CEP63: variants seen among roughly 807,000 people sequenced by gnomAD.
CEP63 encodes centrosomal protein 63, also known as centrosomal protein of 63 kDa.
Under a neutral mutation model 89.1 loss-of-function variants are expected in CEP63, and 84 were observed. The observed-to-expected ratio is 0.94, with a 90% CI of 0.79 to 1.13. CEP63 has a LOEUF of 1.13. CEP63 is among the 50% of genes most tolerant of loss of function. The pLI, the probability that CEP63 is intolerant of heterozygous loss-of-function variation, is 0.00. For missense variants in CEP63, 838 were observed against 813.3 expected, an observed-to-expected ratio of 1.03 and a Z score of -0.37; for synonymous variants, 267 against 272.5, an observed-to-expected ratio of 0.98 and a Z score of 0.20.
intron 3 of CEP63, among the ~76,000 whole-genome samples, chr3:134,530,561 G>T (rs1302508153): frequency 6.6e-6 from 1 of 151,642 alleles, no homozygotes; most frequent in Admixed American, 6.6e-5. Flanking sequence ...TTGTTAATTG[G>T]ATTTTTTAAA....
At chr3:134,738,715 A>G in the CEP63 span, among the ~76,000 whole-genome samples, 40 of 152,306 alleles carry the variant, frequency 2.6e-4, no homozygotes, top group Non-Finnish European at 5.3e-4. Context: ...AATTACCACT[A>G]AAGAACTTAC....
Position 134,558,305 on chromosome 3 carries a change from C to T in CEP63, c.1631C>T (p.Pro544Leu), listed in dbSNP as rs765144404. 5 of 1,613,660 alleles carry T rather than the reference C, an allele frequency of 3.1e-6. No homozygotes were observed. In the East Asian group the frequency reaches 6.7e-5, roughly 22 times the overall value. ...CKKQNDRIFK[P>L]THSRTTEFKN... is the part of the protein sequence containing the mutation. Reference sequence around the variant, plus strand: ...AAACAAAATGACAGGATCTTTAAACCAACACACAGCAGAACAACTGAGTTC... The same window carrying T: ...AAACAAAATGACAGGATCTTTAAACTAACACACAGCAGAACAACTGAGTTC... The change falls in exon 13 of 15, where the codon CCA (proline) becomes CTA (leucine). Residue 544 changes from proline (P) to leucine (L), a missense_variant. Physicochemically the swap from Pro to Leu is moderately conservative, Grantham distance 98. Transcript: ENST00000675561.
chr3:134,752,653 C>T, the CEP63 span, among the ~76,000 whole-genome samples: 18 of 152,208 alleles, frequency 1.2e-4, no homozygotes. Flanking sequence ...GCTGTGCTCC[C>T]CTTCCCTGAC....
the CEP63 span, among the ~76,000 whole-genome samples, chr3:134,727,854 G>C: frequency 1.3e-5 from 2 of 152,120 alleles, no homozygotes; most frequent in Non-Finnish European, 2.9e-5. Flanking sequence ...GGGAATATGG[G>C]GGTTTGTTGT....
downstream of CEP63, among the ~76,000 whole-genome samples, chr3:134,569,186 C>T (rs185682650): frequency 1.9e-3 from 289 of 152,328 alleles, 3 homozygotes; most frequent in African/African-American, 6.3e-3. Context: ...CATCATTCCA[C>T]CCCTGGACTC....
chr3:134,675,393 A>T, the CEP63 span, among the ~76,000 whole-genome samples: 6 of 152,256 alleles, frequency 3.9e-5, no homozygotes, highest in Non-Finnish European at 7.3e-5. Context: ...AAAATGTATG[A>T]TAGACTTAAA....
chr3:134,719,195 G>T, the CEP63 span, among the ~76,000 whole-genome samples: 2 of 152,052 alleles, frequency 1.3e-5, no homozygotes, highest in East Asian at 3.9e-4. Flanking sequence ...TAGAGACAGG[G>T]TCTCTCTATG....
rs200217756 is a variant in CEP63, at chr3:134,553,518, G to A, written c.1467+1506G>A. 58 of 152,206 alleles carry A rather than the reference G, an allele frequency of 3.8e-4. 1 individual carries two copies. The East Asian group carries it at 8.9e-3, about 23-fold the overall frequency. 9.4% of individuals were successfully genotyped at this position (152,206 alleles called of 1,614,324 possible). ...GAAAAATAGGCAAAGAATGTAGATA[G>A]ATACCTCACAGAATTAATATAAATA... On this transcript the variant is annotated intron_variant, in intron 12 of 14. Coordinates refer to ENST00000675561, the MANE Select transcript of CEP63 (RefSeq NM_001353108.3).
intron 2 of CEP63, among the ~76,000 whole-genome samples, chr3:134,496,830 T>C (rs1940236461): frequency 6.6e-6 from 1 of 152,230 alleles, no homozygotes; most frequent in Non-Finnish European, 1.5e-5. Flanking sequence ...GTTCTATTTT[T>C]AGTTTTTTAG....
At chr3:134,544,681 A>G (rs1187483482) in intron 6 of CEP63, among the ~76,000 whole-genome samples, 1 of 151,820 alleles carries the variant, frequency 6.6e-6, no homozygotes, top group Non-Finnish European at 1.5e-5. Flanking sequence ...TTGAAATTCT[A>G]ATTTCTAAAC....
chr3:134,573,550 C>T (rs1958101901), intron 11 of CEP63, among the ~76,000 whole-genome samples: 1 of 152,176 alleles, frequency 6.6e-6, no homozygotes, highest in African/African-American at 2.4e-5. Flanking sequence ...TGTTGAAGAT[C>T]AGATGGCTGT....
chr3:134,738,377 C>T, the CEP63 span, among the ~76,000 whole-genome samples: 2 of 152,078 alleles, frequency 1.3e-5, no homozygotes, highest in East Asian at 1.9e-4. Flanking sequence ...TATAAACCTG[C>T]GTGTGCAAGT....
At chr3:134,489,083 C>CTCCTTCTT (rs1936735239) in intron 1 of CEP63, among the ~76,000 whole-genome samples, 1 of 151,108 alleles carries the variant, frequency 6.6e-6, no homozygotes, top group Non-Finnish European at 1.5e-5. Flanking sequence ...ATCGCTTGAA[C>CTCCTTCTT]CCGGGAGGTG....
Position 134,507,234 on chromosome 3 carries a change from G to C in CEP63, c.170G>C (p.Arg57Pro). The C allele has an allele frequency of 6.2e-7, 1 of 1,613,732 alleles. No homozygotes were observed. The highest frequency in any genetic ancestry group is 1.1e-5 in the South Asian group (1 of 91,072). The stretch of plus-strand genomic sequence containing the variant: ...GCTCTAGAAACTTGCTTGAAAATCC[G>C]TGAACAGGAACTTAAGAGTCTTAGG... ...THALETCLKI[R>P]EQELKSLRSQ... Residue 57 changes from arginine (R) to proline (P), a missense_variant, in exon 3 of 15, where the codon CGT (arginine) becomes CCT (proline). Transcript: ENST00000675561.
the CEP63 span, among the ~76,000 whole-genome samples, chr3:134,672,068 T>A: frequency 1.3e-5 from 2 of 152,150 alleles, no homozygotes; most frequent in African/African-American, 4.8e-5. Flanking sequence ...ATTTCAAAAA[T>A]GACTCTCCTA....
chr3:134,711,497 T>G, the CEP63 span, among the ~76,000 whole-genome samples: 2 of 152,188 alleles, frequency 1.3e-5, no homozygotes, highest in East Asian at 3.9e-4. Context: ...CTATTTGATT[T>G]ATTCCACTTT....
intron 1 of CEP63, among the ~76,000 whole-genome samples, chr3:134,493,061 T>A (rs1202434292): frequency 6.6e-6 from 1 of 152,208 alleles, no homozygotes; most frequent in African/African-American, 2.4e-5. Context: ...AATATATTAA[T>A]GTTTAAGAAT....
chr3:134,689,442 T>TTTTTTATTATTA, the CEP63 span, among the ~76,000 whole-genome samples: 1 of 96,432 alleles, frequency 1.0e-5, no homozygotes, highest in African/African-American at 3.1e-5. Context: ...AAGGACCTTA[T>TTTTTTATTATTA]TTATTATTAT....
chr3:134,521,968 C>T (rs1947554158), intron 3 of CEP63, among the ~76,000 whole-genome samples: 1 of 152,168 alleles, frequency 6.6e-6, no homozygotes, highest in East Asian at 1.9e-4. Flanking sequence ...GACATTTCAG[C>T]TGGACTTGGG....
Sources: allele counts gnomAD v4.1 joint callset (sites outside exome capture counted in the v4.1 genomes callset), GRCh38; gene constraint gnomAD v4.1.1; transcripts MANE v1.5; gene names NCBI Gene and HGNC (gene_info 2026-07-23, HGNC 2026-07-21).